The following SLC35F4 variants were observed in gnomAD, a reference collection of about 807,000 sequenced individuals.
The protein encoded by SLC35F4 is solute carrier family 35 member F4, also known as chromosome 14 open reading frame 36.
A neutral mutation model predicts 44.2 loss-of-function variants in SLC35F4; 24 were observed. The ratio of observed to expected loss-of-function variants is 0.54; its 90% confidence interval spans 0.39 to 0.76. SLC35F4 has a LOEUF of 0.76. Ranked by LOEUF, SLC35F4 falls within the 30% of genes least tolerant of loss-of-function variation. The pLI, the probability that SLC35F4 is intolerant of heterozygous loss-of-function variation, is 0.00. For missense variants in SLC35F4, 562 were observed against 586.1 expected, an observed-to-expected ratio of 0.96 and a Z score of 0.42; for synonymous variants, 238 against 223.6, an observed-to-expected ratio of 1.06 and a Z score of -0.57.
At chr14:57,670,044 C>T (rs1416119313) in intron 1 of SLC35F4, among the ~76,000 whole-genome samples, 2 of 152,184 alleles carry the variant, frequency 1.3e-5, no homozygotes, top group East Asian at 3.9e-4. Context: ...CAACTTCTTC[C>T]TGGTTTAGTC....
At chr14:57,591,611 C>G (rs1030578094) in intron 2 of SLC35F4, among the ~76,000 whole-genome samples, 1 of 152,228 alleles carries the variant, frequency 6.6e-6, no homozygotes, top group East Asian at 1.9e-4. Context: ...TTGAACCCAA[C>G]TGAATCAGTA....
intron 1 of SLC35F4, among the ~76,000 whole-genome samples, chr14:57,655,689 G>A (rs185364054): frequency 9.9e-5 from 15 of 152,026 alleles, no homozygotes; most frequent in Middle Eastern, 3.2e-3. Context: ...TTCTGCCAAG[G>A]CTCGCACCTC....
At chr14:57,842,995 C>T (rs980608654) in intron 1 of SLC35F4, among the ~76,000 whole-genome samples, 12 of 152,140 alleles carry the variant, frequency 7.9e-5, no homozygotes, top group Admixed American at 2.0e-4. Flanking sequence ...TTCCTGCCCT[C>T]GAACATCAGT....
At chr14:57,676,436 A>G (rs2140288989) in intron 1 of SLC35F4, among the ~76,000 whole-genome samples, 1 of 152,120 alleles carries the variant, frequency 6.6e-6, no homozygotes, top group Middle Eastern at 3.4e-3. Flanking sequence ...GGGATGGGGG[A>G]AGAGAGAGCA....
chr14:57,756,563 A>G (rs989100193), intron 1 of SLC35F4, among the ~76,000 whole-genome samples: 17 of 151,824 alleles, frequency 1.1e-4, no homozygotes, highest in African/African-American at 4.1e-4. Context: ...GTTATATAAC[A>G]TATAAATATT....
At chr14:57,631,864 A>C (rs548374355) in intron 1 of SLC35F4, among the ~76,000 whole-genome samples, 28 of 152,116 alleles carry the variant, frequency 1.8e-4, no homozygotes, top group Non-Finnish European at 3.7e-4. Flanking sequence ...AAAGCCAAAA[A>C]TTAAAAAAAG....
intron 1 of SLC35F4, among the ~76,000 whole-genome samples, chr14:57,955,446 G>T (rs1890218941): frequency 1.3e-5 from 2 of 152,132 alleles, no homozygotes; most frequent in South Asian, 4.1e-4. Flanking sequence ...ACCAGGGCAA[G>T]CAGGCAAGAG....
At chr14:57,623,070 C>G (rs771199721) in intron 1 of SLC35F4, among the ~76,000 whole-genome samples, 13 of 152,042 alleles carry the variant, frequency 8.6e-5, no homozygotes, top group Non-Finnish European at 1.8e-4. Context: ...GAAGACCCAT[C>G]TCACTTGCAA....
chr14:57,612,944 A>C (rs938843282), intron 1 of SLC35F4, among the ~76,000 whole-genome samples: 1 of 152,362 alleles, frequency 6.6e-6, no homozygotes, highest in South Asian at 2.1e-4. Context: ...CTCCAGATGC[A>C]TCAAGAGCTG....
chr14:57,904,393 T>A (rs1366023337), intron 1 of SLC35F4, among the ~76,000 whole-genome samples: 1 of 152,238 alleles, frequency 6.6e-6, no homozygotes, highest in Non-Finnish European at 1.5e-5. Flanking sequence ...TATTCTCAGA[T>A]TTCTCTTGAG....
intron 1 of SLC35F4, among the ~76,000 whole-genome samples, chr14:57,840,646 G>A (rs1019128525): frequency 6.6e-6 from 1 of 152,078 alleles, no homozygotes; most frequent in Non-Finnish European, 1.5e-5. Context: ...TTAACCATCA[G>A]ACCACCTCAT....
chr14:57,784,535 C>G (rs2077710175), intron 1 of SLC35F4, among the ~76,000 whole-genome samples: 1 of 151,964 alleles, frequency 6.6e-6, no homozygotes, highest in African/African-American at 2.4e-5. Flanking sequence ...AAAATTTTTT[C>G]TTAGTCAGGG....
chr14:57,851,314 T>C (rs1157144162), intron 1 of SLC35F4, among the ~76,000 whole-genome samples: 2 of 152,204 alleles, frequency 1.3e-5, no homozygotes, highest in Non-Finnish European at 2.9e-5. Flanking sequence ...GTGGAATTAT[T>C]TTATAGCCTG....
intron 1 of SLC35F4, among the ~76,000 whole-genome samples, chr14:57,603,231 C>T (rs140655864): frequency 0.011 from 1,687 of 152,252 alleles, 27 homozygotes; most frequent in Middle Eastern, 0.014. Flanking sequence ...TGTGATAGTC[C>T]TGATCTTTAA....
intron 1 of SLC35F4, among the ~76,000 whole-genome samples, chr14:57,934,660 C>T (rs1476287904): frequency 6.6e-6 from 1 of 151,996 alleles, no homozygotes; most frequent in Non-Finnish European, 1.5e-5. Context: ...TGCTTGTACA[C>T]AGCTATTAAA....
chr14:57,813,194 C>T (rs909639265), intron 1 of SLC35F4, among the ~76,000 whole-genome samples: 9 of 152,236 alleles, frequency 5.9e-5, no homozygotes, highest in African/African-American at 1.9e-4. Context: ...CTTTCAGTAT[C>T]ATGGCCCAAC....
intron 1 of SLC35F4, among the ~76,000 whole-genome samples, chr14:57,962,022 G>T (rs1890348618): frequency 6.6e-6 from 1 of 152,182 alleles, no homozygotes; most frequent in African/African-American, 2.4e-5. Context: ...ACTAAATAAG[G>T]GGATGAATGG....
intron 1 of SLC35F4, among the ~76,000 whole-genome samples, chr14:57,650,207 C>T (rs1413985163): frequency 1.3e-5 from 2 of 152,072 alleles, no homozygotes; most frequent in Admixed American, 6.6e-5. Flanking sequence ...TTTAATATTA[C>T]CCATAGGCTG....
chr14:57,808,009 C>T (rs1294703291), intron 1 of SLC35F4, among the ~76,000 whole-genome samples: 1 of 151,646 alleles, frequency 6.6e-6, no homozygotes, highest in East Asian at 1.9e-4. Context: ...GAGACTTATT[C>T]ATTATCATGA....
Sources: allele counts gnomAD v4.1 joint callset (sites outside exome capture counted in the v4.1 genomes callset), GRCh38; gene constraint gnomAD v4.1.1; transcripts MANE v1.5; gene names NCBI Gene and HGNC (gene_info 2026-07-23, HGNC 2026-07-21).